The following DOCK10 variants were observed in gnomAD, a reference collection of about 807,000 sequenced individuals.
The protein encoded by DOCK10 is dedicator of cytokinesis 10.
A neutral mutation model predicts 280.1 loss-of-function variants in DOCK10; 145 were observed. That is an observed-to-expected ratio of 0.52 (90% CI 0.45 to 0.59). DOCK10 has a LOEUF of 0.59. Among genes scored for constraint, DOCK10 ranks in the 20% least tolerant of loss-of-function variants. The pLI is 0.00. For synonymous variants in DOCK10, 915 were observed against 942.2 expected (o/e 0.97, Z 0.53); for missense variants, 2,368 against 2,651.7 (o/e 0.89, Z 2.35).
intron 50 of DOCK10, among the ~76,000 whole-genome samples, chr2:224,779,976 G>A (rs1162066233): frequency 6.6e-6 from 1 of 152,146 alleles, no homozygotes; most frequent in African/African-American, 2.4e-5. Context: ...TGGTCTTTAG[G>A]AGGAGGTCAC....
rs899590388 is a variant in DOCK10 at position 224,782,456 on chromosome 2, C to T, written c.5656-4172G>A. Among the ~76,000 whole-genome samples, 5 of 152,234 alleles carry T rather than the reference C, an allele frequency of 3.3e-5. No homozygotes were observed. The South Asian group carries it at 6.2e-4, about 19-fold the overall frequency. On this transcript the variant is annotated intron_variant, in intron 50 of 55. Transcript: ENST00000258390. The stretch of plus-strand genomic sequence containing the variant: ...GCCTAAGGACTTCATTGATTATAGT[C>T]GATGTTTGCTCACTGCTGCTGTTTC...
intron 3 of DOCK10, among the ~76,000 whole-genome samples, chr2:224,910,927 T>C (rs1445379243): frequency 1.3e-5 from 2 of 152,002 alleles, no homozygotes; most frequent in Admixed American, 1.3e-4. Context: ...ACAGAAAAAT[T>C]AGCAGGGAAT....
intron 2 of DOCK10, among the ~76,000 whole-genome samples, chr2:224,929,407 A>G (rs1259449508): frequency 1.3e-5 from 2 of 152,038 alleles, no homozygotes; most frequent in African/African-American, 4.8e-5. Context: ...ATAGAATAGT[A>G]TGTTTGGAAC....
intron 27 of DOCK10, among the ~76,000 whole-genome samples, chr2:224,825,768 G>A (rs1355408308): frequency 1.3e-5 from 2 of 152,174 alleles, no homozygotes; most frequent in East Asian, 1.9e-4. Context: ...AAGACTCGAG[G>A]TGGAAGAATT....
At chr2:224,823,716 G>A in intron 27 of DOCK10, 69 bp from the exon 28 acceptor site, 1 of 1,394,940 alleles carries the variant, frequency 7.2e-7, no homozygotes, top group Non-Finnish European at 9.5e-7. Flanking sequence ...AGTATCAACT[G>A]AAATATTTAC....
rs1247742915 is a variant in DOCK10, at chr2:224,794,870, G to A, written c.5154+9C>T. ...ACTGATGGTAAATGACCAAGCCTTG[G>A]CTAATCACCTCAGATAAATCTCCGT... On this transcript the variant is annotated intron_variant, in intron 45 of 55. Transcript: ENST00000258390. 6.2e-7 allele frequency: 1 copy of A among 1,612,710 alleles called. No homozygotes were observed. Among genetic ancestry groups the A allele is most frequent in the East Asian group, 2.2e-5 (1 of 44,876 alleles).
Position 224,946,746 on chromosome 2 carries a change from C to T in DOCK10, c.124-15078G>A, listed in dbSNP as rs547816224. ...ATCTTCTGTTCCATATAAGACTTCA[C>T]CCAGCAGCCTCTGCTAGAATACCAC... On this transcript the variant is annotated intron_variant, in intron 1 of 55. Transcript: ENST00000258390. The T allele has an allele frequency of 3.6e-6, 3 of 824,868 alleles. No individual in the cohort carries two copies. In the East Asian group the frequency reaches 9.2e-5, roughly 25 times the overall value. 51.1% of individuals were successfully genotyped at this position (824,868 alleles called of 1,614,324 possible). A position where few individuals can be genotyped will look rare whatever the true frequency, so the allele number is the denominator to read the frequency against.
At chr2:224,910,528 T>C (rs11688439) in intron 3 of DOCK10, among the ~76,000 whole-genome samples, 35,219 of 152,220 alleles carry the variant, frequency 0.23, 4,573 homozygotes, top group Non-Finnish European at 0.28. Context: ...TTAATATTTC[T>C]ATGACATAGT....
At chr2:224,874,389 C>G (rs1698497932) in intron 9 of DOCK10, 40 bp from the exon 10 acceptor site, 1 of 1,473,990 alleles carries the variant, frequency 6.8e-7, no homozygotes, top group African/African-American at 1.4e-5. Context: ...ATCTAAATAT[C>G]CAGATACAGC....
At chr2:224,902,935 TA>T (rs1314965424) in intron 3 of DOCK10, among the ~76,000 whole-genome samples, 1 of 148,870 alleles carries the variant, frequency 6.7e-6, no homozygotes, top group Non-Finnish European at 1.5e-5. Flanking sequence ...CTACTAAAAA[TA>T]CAAAAAAAAA....
At chr2:224,829,509 C>T (rs1372528459) in intron 27 of DOCK10, among the ~76,000 whole-genome samples, 2 of 152,186 alleles carry the variant, frequency 1.3e-5, no homozygotes, top group East Asian at 1.9e-4. Context: ...TTACCCTCCA[C>T]GTGGGGCAGG....
chr2:225,018,805 A>G (rs984579437), intron 1 of DOCK10, among the ~76,000 whole-genome samples: 4 of 147,962 alleles, frequency 2.7e-5, no homozygotes, highest in African/African-American at 7.4e-5. Context: ...AAATATATAT[A>G]CAGATATATA....
At chr2:224,810,554 T>C (rs1385698033) in intron 31 of DOCK10, among the ~76,000 whole-genome samples, 1 of 151,966 alleles carries the variant, frequency 6.6e-6, no homozygotes, top group Non-Finnish European at 1.5e-5. Flanking sequence ...TACATATGTA[T>C]ACATGTGCCA....
At position 224,807,586 on chromosome 2, in the gene DOCK10, A is replaced by C. The variant is rs1693478961; in HGVS notation, c.3702+82T>G. ...CCTAGTATGTTCACAGATGAGAAGA[A>C]ATGGTTATCCAGGGCAAAAAATAAT... On this transcript the variant is annotated intron_variant, in intron 33 of 55. Transcript: ENST00000258390. The C allele has an allele frequency of 6.8e-6, 6 of 886,618 alleles. No homozygotes were observed. The South Asian group carries it at 9.8e-5, about 14-fold the overall frequency. 54.9% of individuals were successfully genotyped at this position (886,618 alleles called of 1,614,324 possible). A position where few individuals can be genotyped will look rare whatever the true frequency, so the allele number is the denominator to read the frequency against.
At chr2:225,004,906 G>C (rs1706527908) in intron 1 of DOCK10, among the ~76,000 whole-genome samples, 1 of 152,122 alleles carries the variant, frequency 6.6e-6, no homozygotes, top group East Asian at 1.9e-4. Context: ...GCCCCCAAAG[G>C]CCTTGCTTTA....
chr2:224,953,429 C>A (rs993828953), intron 1 of DOCK10, among the ~76,000 whole-genome samples: 10 of 152,106 alleles, frequency 6.6e-5, no homozygotes, highest in Admixed American at 5.9e-4. Context: ...CAGTGTACAC[C>A]CTGCTTAAAG....
At chr2:224,924,097 T>A (rs573544169) in intron 2 of DOCK10, among the ~76,000 whole-genome samples, 12 of 152,366 alleles carry the variant, frequency 7.9e-5, no homozygotes, top group Non-Finnish European at 8.8e-5. Flanking sequence ...AGTGCTCGTA[T>A]CTACATATAT....
intron 28 of DOCK10, among the ~76,000 whole-genome samples, chr2:224,820,197 C>T (rs966523486): frequency 1.3e-5 from 2 of 152,172 alleles, no homozygotes; most frequent in African/African-American, 2.4e-5. Flanking sequence ...TTTCTATCAG[C>T]GAGCTGCTTA....
chr2:225,021,017 G>A (rs1353299707), intron 1 of DOCK10, among the ~76,000 whole-genome samples: 1 of 152,218 alleles, frequency 6.6e-6, no homozygotes, highest in Non-Finnish European at 1.5e-5. Context: ...AATCAAGGGA[G>A]TTTGCTAAAG....
Sources: allele counts gnomAD v4.1 joint callset (sites outside exome capture counted in the v4.1 genomes callset), GRCh38; gene constraint gnomAD v4.1.1; transcripts MANE v1.5; gene names NCBI Gene and HGNC (gene_info 2026-07-23, HGNC 2026-07-21).